SMAD3: variants seen among roughly 807,000 people sequenced by gnomAD.
SMAD3 encodes the protein SMAD family member 3.
Under a neutral mutation model 51.8 loss-of-function variants are expected in SMAD3, and 12 were observed. That is an observed-to-expected ratio of 0.23 (90% CI 0.15 to 0.38). SMAD3 has a LOEUF of 0.38. SMAD3 is among the 10% of genes least tolerant of loss of function. The probability of loss-of-function intolerance (pLI) is 1.00; values close to 1 mark genes in which losing one functional copy is unlikely to be tolerated. For synonymous variants in SMAD3, 238 were observed against 227.7 expected (o/e 1.05, Z -0.41); for missense variants, 294 against 565.6 (o/e 0.52, Z 4.87).
intron 1 of SMAD3, among the ~76,000 whole-genome samples, chr15:67,067,560 G>T (rs1959954307): frequency 6.6e-6 from 1 of 152,188 alleles, no homozygotes; most frequent in Admixed American, 6.5e-5. Flanking sequence ...GGCCAGGGTG[G>T]ACTCCATCCT....
intron 1 of SMAD3, among the ~76,000 whole-genome samples, chr15:67,158,392 T>C (rs1298140599): frequency 6.6e-6 from 1 of 152,212 alleles, no homozygotes; most frequent in Non-Finnish European, 1.5e-5. Flanking sequence ...TTGTTGCTGA[T>C]GCGTAAGAAG....
intron 5 of SMAD3, among the ~76,000 whole-genome samples, chr15:67,179,724 G>A (rs1241644735): frequency 1.3e-5 from 2 of 152,164 alleles, no homozygotes; most frequent in African/African-American, 4.8e-5. Flanking sequence ...ACCTTCAGAA[G>A]GTCTGATGAG....
In SMAD3 at chr15:67,191,669, TTC is replaced by T. The variant is rs1963370696; in HGVS notation, c.*1135_*1136del. 1.7e-5 allele frequency: 4 copies of T among 232,560 alleles called. No individual in the cohort carries two copies. In the East Asian group the frequency reaches 2.4e-4, roughly 14 times the overall value. The allele number at this position is 232,560 out of a possible 1,614,324, so 14.4% of individuals were successfully genotyped here. ...TTGTTGAAGAGATACCTGCCAGCACTTCTGCAAGCTGAAATTTACAGAAGCAA... is the reference window on the plus strand; with the variant it reads ...TTGTTGAAGAGATACCTGCCAGCACTTGCAAGCTGAAATTTACAGAAGCAA... On this transcript the variant is annotated 3_prime_UTR_variant, in exon 9 of 9. Transcript: ENST00000327367.
Position 67,066,050 on chromosome 15 carries a change from G to A in SMAD3, c.-105G>A, listed in dbSNP as rs1959905723. The A allele has an allele frequency of 1.6e-6, 1 of 644,876 alleles. No individual in the cohort carries two copies. The highest frequency in any genetic ancestry group is 2.3e-6 in the Non-Finnish European group (1 of 439,302). The allele number at this position is 644,876 out of a possible 1,614,324, so 39.9% of individuals were successfully genotyped here. A position where few individuals can be genotyped will look rare whatever the true frequency, so the allele number is the denominator to read the frequency against. On this transcript the variant is annotated 5_prime_UTR_variant, in exon 1 of 9. Coordinates refer to ENST00000327367, the MANE Select transcript of SMAD3 (RefSeq NM_005902.4). ...CGCCGAGAGTTGAGGCGAAGTTTGG[G>A]CGACCGCGGCAGGCCCCGGCCGAGC... is the stretch of plus-strand genomic sequence containing the variant.
At chr15:67,114,679 C>T (rs931715806) in intron 1 of SMAD3, among the ~76,000 whole-genome samples, 7 of 152,152 alleles carry the variant, frequency 4.6e-5, no homozygotes, top group African/African-American at 1.7e-4. Context: ...CCCAGAGAAT[C>T]TTGACTTTGA....
chr15:67,175,617 T>C (rs1962870394), intron 5 of SMAD3, among the ~76,000 whole-genome samples: 1 of 152,178 alleles, frequency 6.6e-6, no homozygotes, highest in African/African-American at 2.4e-5. Flanking sequence ...CTGGCCTAGT[T>C]GCACCTCTGC....
At chr15:67,161,301 C>T (rs984491864) in intron 1 of SMAD3, among the ~76,000 whole-genome samples, 6 of 152,152 alleles carry the variant, frequency 3.9e-5, no homozygotes, top group African/African-American at 1.4e-4. Flanking sequence ...TGTGCCATTA[C>T]CATACTGCCT....
intron 1 of SMAD3, among the ~76,000 whole-genome samples, chr15:67,090,497 C>G (rs1208439160): frequency 6.6e-6 from 1 of 152,020 alleles, no homozygotes. Context: ...CAGTGACTTG[C>G]GCAAGTCATT....
In SMAD3 at chr15:67,104,856, C is replaced by T. The variant is rs535473617; in HGVS notation, c.206+38496C>T. Among the ~76,000 whole-genome samples the T allele has an allele frequency of 2.0e-5, 3 of 152,366 alleles. No homozygotes were observed. In the South Asian group the frequency reaches 6.2e-4, roughly 32 times the overall value. On this transcript the variant is annotated intron_variant, in intron 1 of 8. Transcript: ENST00000327367. The stretch of plus-strand genomic sequence containing the variant: ...TTCCATTAAGAACTGGGGTCTATGT[C>T]CTGGGATCCAGTTCTTCTCCCCCTT...
At chr15:67,112,822 A>G (rs1595906276) in intron 1 of SMAD3, among the ~76,000 whole-genome samples, 2 of 131,052 alleles carry the variant, frequency 1.5e-5, no homozygotes, top group Non-Finnish European at 3.1e-5. Context: ...TTTGTATAAG[A>G]TGTGAGGTAG....
chr15:67,164,316 GAAAAAA>G (rs59880604), intron 1 of SMAD3, among the ~76,000 whole-genome samples: 10 of 83,644 alleles, frequency 1.2e-4, no homozygotes, highest in South Asian at 9.0e-4. Flanking sequence ...CTCCGTCTCA[GAAAAAA>G]AAAAAAAAAA....
intron 1 of SMAD3, 43 bp downstream of exon 1, chr15:67,066,403 G>A (rs375333766): frequency 1.6e-5 from 25 of 1,555,000 alleles, no homozygotes; most frequent in Non-Finnish European, 2.1e-5. Flanking sequence ...CGCCGGCCCA[G>A]CCCCCTGGCA....
intron 1 of SMAD3, among the ~76,000 whole-genome samples, chr15:67,141,133 G>T (rs1035704084): frequency 1.3e-5 from 2 of 152,166 alleles, no homozygotes; most frequent in African/African-American, 4.8e-5. Context: ...TCCCAATTCC[G>T]GCAACGGGAA....
chr15:67,181,791 T>TC (rs1317674966), intron 6 of SMAD3, among the ~76,000 whole-genome samples: 2 of 9,570 alleles, frequency 2.1e-4, no homozygotes, highest in East Asian at 5.6e-3. Flanking sequence ...TGAAATCTAT[T>TC]TTTTTTTTTT....
chr15:67,182,450 G>A (rs1410913046), intron 6 of SMAD3, among the ~76,000 whole-genome samples: 4 of 152,150 alleles, frequency 2.6e-5, no homozygotes, highest in African/African-American at 9.7e-5. Flanking sequence ...ACCTTGTCCT[G>A]GAGCCCCAAG....
chr15:67,071,304 CTT>C (rs1369189078), intron 1 of SMAD3, among the ~76,000 whole-genome samples: 1 of 152,202 alleles, frequency 6.6e-6, no homozygotes, highest in Non-Finnish European at 1.5e-5. Context: ...TCTTTATCCT[CTT>C]TTACTAAACT....
chr15:67,182,994 A>ATATATATATATAT (rs1430882894), intron 6 of SMAD3, among the ~76,000 whole-genome samples: 1 of 55,432 alleles, frequency 1.8e-5, no homozygotes, highest in African/African-American at 8.2e-5. Flanking sequence ...ATTAAAAAAA[A>ATATATATATATAT]AAAAAAATAT....
intron 5 of SMAD3, among the ~76,000 whole-genome samples, chr15:67,174,019 G>A (rs1045504070): frequency 7.9e-5 from 12 of 152,242 alleles, no homozygotes; most frequent in East Asian, 5.8e-4. Flanking sequence ...AGCGGCTGGC[G>A]CTGGAGGCGC....
intron 1 of SMAD3, among the ~76,000 whole-genome samples, chr15:67,099,717 T>C (rs777867677): frequency 6.6e-6 from 1 of 152,220 alleles, no homozygotes; most frequent in Non-Finnish European, 1.5e-5. Context: ...GGAATTTTTG[T>C]TGATGATGAA....
Sources: allele counts gnomAD v4.1 joint callset (sites outside exome capture counted in the v4.1 genomes callset), GRCh38; gene constraint gnomAD v4.1.1; transcripts MANE v1.5; gene names NCBI Gene and HGNC (gene_info 2026-07-23, HGNC 2026-07-21).